The following STK31 variants were observed in gnomAD, a reference collection of about 807,000 sequenced individuals.
STK31 encodes serine/threonine-protein kinase 31.
In STK31, 89 loss-of-function variants were observed where a neutral mutation model predicts 129.7. That is an observed-to-expected ratio of 0.69 (90% CI 0.58 to 0.82). STK31 has a LOEUF of 0.82. Ranked by LOEUF, STK31 falls within the 40% of genes least tolerant of loss-of-function variation. The pLI is 0.00. For missense variants in STK31, 1,187 were observed against 1,176.4 expected (o/e 1.01, Z -0.13); for synonymous variants, 448 against 395.3 (o/e 1.13, Z -1.58).
At chr7:23,764,913 T>A (rs1016781719) in intron 11 of STK31, among the ~76,000 whole-genome samples, 3 of 151,744 alleles carry the variant, frequency 2.0e-5, no homozygotes, top group Non-Finnish European at 4.4e-5. Context: ...TAAAAATGTT[T>A]TCTTTTTAAC....
intron 11 of STK31, among the ~76,000 whole-genome samples, chr7:23,763,463 C>T (rs931514137): frequency 6.6e-6 from 1 of 152,178 alleles, no homozygotes; most frequent in Non-Finnish European, 1.5e-5. Flanking sequence ...TAAGTAATTT[C>T]ACCTAATAAT....
intron 7 of STK31, among the ~76,000 whole-genome samples, chr7:23,736,551 G>A (rs1357356508): frequency 7.3e-6 from 1 of 137,380 alleles, no homozygotes. Flanking sequence ...GGTGGACGGG[G>A]GGATCACAGG....
At chr7:23,738,063 C>A (rs2128082253) in intron 8 of STK31, among the ~76,000 whole-genome samples, 2 of 152,278 alleles carry the variant, frequency 1.3e-5, no homozygotes, top group East Asian at 3.9e-4. Flanking sequence ...ACTTTAGATG[C>A]CAGCCACAAA....
At position 23,736,981 on chromosome 7, in the gene STK31, T is replaced by C. The variant is rs748482711; in HGVS notation, c.920T>C (p.Ile307Thr). The change falls in exon 8 of 24, where the codon ATT (isoleucine) becomes ACT (threonine). Residue 307 changes from isoleucine (I) to threonine (T), a missense_variant. This residue lies in a region of STK31 where 975 missense variants were observed against 934.9 expected (regional missense o/e 1.04). Transcript: ENST00000355870. The stretch of plus-strand genomic sequence containing the variant: ...AAAATTAAGCAGGACCAGAAACTGA[T>C]TGAAGAAAATGAAAAACTTAAAACA... ...LEKIKQDQKL[I>T]EENEKLKTEK... 4.3e-6 allele frequency: 7 copies of C among 1,613,894 alleles called. No individual in the cohort carries two copies. The highest frequency in any genetic ancestry group is 5.9e-6 in the Non-Finnish European group (7 of 1,179,908).
chr7:23,812,174 G>T (rs1793175903), intron 22 of STK31, among the ~76,000 whole-genome samples: 1 of 152,078 alleles, frequency 6.6e-6, no homozygotes, highest in Admixed American at 6.6e-5. Flanking sequence ...AGAACATCTT[G>T]ATTTCACTTT....
intron 17 of STK31, 23 bp downstream of exon 17, chr7:23,783,686 A>G (rs767211530): frequency 1.8e-5 from 29 of 1,568,498 alleles, no homozygotes; most frequent in Admixed American, 8.6e-5. Context: ...TCCCTTGCGA[A>G]TTACTACTCT....
chr7:23,806,156 C>T (rs141573010), intron 22 of STK31, among the ~76,000 whole-genome samples: 39 of 152,328 alleles, frequency 2.6e-4, no homozygotes, highest in African/African-American at 7.9e-4. Context: ...CAGTAAATGT[C>T]ATGGCATTGA....
chr7:23,735,157 C>T (rs947803308), intron 6 of STK31, among the ~76,000 whole-genome samples: 7 of 151,928 alleles, frequency 4.6e-5, no homozygotes, highest in Admixed American at 4.6e-4. Context: ...TTTGTAAAAT[C>T]GAGTACCTTT....
intron 1 of STK31, among the ~76,000 whole-genome samples, chr7:23,711,239 C>T (rs1785939958): frequency 6.6e-6 from 1 of 152,080 alleles, no homozygotes; most frequent in African/African-American, 2.4e-5. Flanking sequence ...GAGTTCAAGA[C>T]CAGCCTGGCC....
intron 10 of STK31, 33 bp from the exon 11 acceptor site, chr7:23,762,768 T>G (rs761809805): frequency 6.2e-7 from 1 of 1,604,710 alleles, no homozygotes; most frequent in East Asian, 2.2e-5. Context: ...ACCTGATGTA[T>G]TAATGATGGT....
chr7:23,787,873 C>G, intron 20 of STK31, 107 bp from the exon 21 acceptor site: 1 of 1,092,746 alleles, frequency 9.2e-7, no homozygotes, highest in Non-Finnish European at 1.3e-6. Flanking sequence ...TGGTTCATTT[C>G]GAGGAAACTT....
intron 5 of STK31, among the ~76,000 whole-genome samples, chr7:23,728,523 G>GT (rs1204357717): frequency 2.0e-5 from 3 of 152,062 alleles, no homozygotes; most frequent in Admixed American, 6.5e-5. Context: ...ATGTTTTTCA[G>GT]TTGGCTTTAA....
intron 22 of STK31, among the ~76,000 whole-genome samples, chr7:23,799,435 C>G (rs1792224727): frequency 6.6e-6 from 1 of 152,070 alleles, no homozygotes; most frequent in African/African-American, 2.4e-5. Context: ...GAAGTAATGC[C>G]TCAGAAGTAT....
chr7:23,733,062 A>T (rs1216338612), intron 6 of STK31, among the ~76,000 whole-genome samples: 2 of 152,056 alleles, frequency 1.3e-5, no homozygotes, highest in African/African-American at 4.8e-5. Flanking sequence ...TAATATATTG[A>T]TATAATATAT....
chr7:23,710,293 T>A lies in STK31; in HGVS notation c.8T>A (p.Val3Asp). ...GAGGGCCGAAAGTCCAGTATGTGGG[T>A]CCAGGGTCACTCTTCTAGAGCTTCC... is the stretch of plus-strand genomic sequence containing the variant. Reference protein sequence around the residue: MWVQGHSSRASAT... With the variant: MWDQGHSSRASAT... The change falls in exon 1 of 24, where the codon GTC becomes GAC. Residue 3 changes from valine (V) to aspartate (D), a missense_variant. Around this residue, in one of 5 missense-constraint regions of STK31, gnomAD observed 104 missense variants for 98.3 expected, o/e 1.06. Transcript: ENST00000355870. The A allele has an allele frequency of 6.2e-7, 1 of 1,611,454 alleles. No individual in the cohort carries two copies. The highest frequency in any genetic ancestry group is 8.5e-7 in the Non-Finnish European group (1 of 1,179,848).
intron 11 of STK31, among the ~76,000 whole-genome samples, chr7:23,764,535 G>C (rs1789689697): frequency 6.6e-6 from 1 of 152,020 alleles, no homozygotes; most frequent in Non-Finnish European, 1.5e-5. Context: ...GACTTCTTTT[G>C]TGGCATACAA....
At chr7:23,779,088 T>G (rs1228993791) in intron 15 of STK31, among the ~76,000 whole-genome samples, 1 of 152,204 alleles carries the variant, frequency 6.6e-6, no homozygotes, top group Non-Finnish European at 1.5e-5. Flanking sequence ...CTTCTAACAG[T>G]CAGTCCCCTC....
intron 23 of STK31, among the ~76,000 whole-genome samples, chr7:23,828,553 A>G (rs1794331002): frequency 6.6e-6 from 1 of 152,190 alleles, no homozygotes; most frequent in Non-Finnish European, 1.5e-5. Context: ...GGGTGAGGCG[A>G]TGCCTCGCCC....
chr7:23,793,362 A>G (rs1173039469), intron 22 of STK31, among the ~76,000 whole-genome samples: 3 of 152,228 alleles, frequency 2.0e-5, no homozygotes, highest in Non-Finnish European at 4.4e-5. Context: ...AGGACACAGA[A>G]AACATCAACT....
Sources: gnomAD v4.1 joint callset for allele counts (sites outside exome capture counted in the v4.1 genomes callset) on GRCh38, gnomAD v4.1.1 for gene constraint, gnomAD v4.1.1 regional missense constraint, MANE v1.5 for transcripts, NCBI Gene and HGNC (gene_info 2026-07-23, HGNC 2026-07-21) for gene names.